Variants in NPAS2 observed in about 807,000 individuals in gnomAD.
NPAS2 encodes the protein neuronal PAS domain-containing protein 2.
NPAS2 carries 23 observed loss-of-function variants against 107.5 expected under a neutral mutation model. That is an observed-to-expected ratio of 0.21 (90% confidence interval 0.15 to 0.30). The LOEUF is 0.30. NPAS2 is among the 10% of genes least tolerant of loss of function. The probability of loss-of-function intolerance (pLI) is 1.00; values close to 1 mark genes in which losing one functional copy is unlikely to be tolerated. For missense variants in NPAS2, 756 were observed against 1,043.3 expected (o/e 0.72, Z 3.79); for synonymous variants, 403 against 417.5 (o/e 0.97, Z 0.42).
intron 1 of NPAS2, among the ~76,000 whole-genome samples, chr2:100,837,315 T>G (rs1243668959): frequency 1.3e-5 from 2 of 152,176 alleles, no homozygotes; most frequent in African/African-American, 4.8e-5. Context: ...TTTTATTTAT[T>G]TTGTTTTTTT....
chr2:100,958,202 G>A (rs986025779), intron 7 of NPAS2, among the ~76,000 whole-genome samples: 7 of 152,040 alleles, frequency 4.6e-5, no homozygotes, highest in Non-Finnish European at 7.4e-5. Context: ...TTACCTACTC[G>A]CCTCTAACCG....
chr2:100,928,516 G>C (rs1233304948), intron 3 of NPAS2, among the ~76,000 whole-genome samples: 1 of 152,096 alleles, frequency 6.6e-6, no homozygotes, highest in Non-Finnish European at 1.5e-5. Flanking sequence ...GGATAAGTCA[G>C]CAGAAATGCA....
rs554125547 is a variant in NPAS2, at chr2:100,957,736, C to G, written c.599-6322C>G. Among the ~76,000 whole-genome samples, 277 of 152,064 alleles carry G rather than the reference C, an allele frequency of 1.8e-3. 3 individuals are homozygous for G. The highest frequency in any genetic ancestry group is 6.5e-3 in the African/African-American group (270 of 41,444). ...TGTCAGGAGATCGAGACCATCCTGG[C>G]TAACACAGTGAAACCCCGTCTCTGC... On this transcript the variant is annotated intron_variant, in intron 7 of 20. Coordinates refer to ENST00000335681, the MANE Select transcript of NPAS2 (RefSeq NM_002518.4).
chr2:100,930,727 C>T (rs186563027), intron 3 of NPAS2, among the ~76,000 whole-genome samples: 20 of 152,094 alleles, frequency 1.3e-4, no homozygotes, highest in African/African-American at 4.6e-4. Context: ...ATTATGCTAG[C>T]GTTAACAAAA....
rs1558918726 is a variant in NPAS2, at chr2:100,965,484, C to CT, written c.801-175dup. Among the ~76,000 whole-genome samples the CT allele has an allele frequency of 2.0e-5, 3 of 151,656 alleles. No individual in the cohort carries two copies. The highest frequency in any genetic ancestry group is 7.3e-5 in the African/African-American group (3 of 41,252). On this transcript the variant is annotated intron_variant, in intron 9 of 20. Transcript: ENST00000335681. The surrounding 1 kb of genome is among the most constrained non-coding windows in gnomAD (Gnocchi z 4.3). ...AGTATCTATATGCCAAAAAAAAAAGCTGAGCCCTTTGGAAAACACAGCCTC... is the reference window on the plus strand; with the variant it reads ...AGTATCTATATGCCAAAAAAAAAAGCTTGAGCCCTTTGGAAAACACAGCCTC...
chr2:100,925,103 T>C lies in NPAS2; in HGVS notation c.33-43T>C, dbSNP rs768955119. ...CTTTTGTTTCATCACAAAGCCTTTG[T>C]GACGTGGAATGTTCCAGTAACCTGC... On this transcript the variant is annotated intron_variant, in intron 2 of 20. Transcript: ENST00000335681. 8.3e-6 allele frequency: 13 copies of C among 1,573,180 alleles called. No individual in the cohort carries two copies. In the South Asian group the frequency reaches 1.4e-4, roughly 17 times the overall value.
chr2:100,841,045 G>A (rs1286125951), intron 1 of NPAS2, among the ~76,000 whole-genome samples: 1 of 152,082 alleles, frequency 6.6e-6, no homozygotes, highest in Non-Finnish European at 1.5e-5. Context: ...ATCTGCTTCA[G>A]GATGTTGTTC....
intron 16 of NPAS2, chr2:100,984,313 T>A (rs910266725): frequency 6.6e-6 from 1 of 152,200 alleles, no homozygotes; most frequent in African/African-American, 2.4e-5. Flanking sequence ...TTGTTTTTTT[T>A]AAACTAAACT....
Position 100,828,390 on chromosome 2 carries a change from T to C in NPAS2, c.-23+7976T>C, listed in dbSNP as rs569868524. 7.2e-5 allele frequency among the ~76,000 whole-genome samples: 11 copies of C among 152,322 alleles called. No individual in the cohort carries two copies. In the South Asian group the frequency reaches 2.3e-3, roughly 32 times the overall value. On this transcript the variant is annotated intron_variant, in intron 1 of 20. Coordinates refer to ENST00000335681, the MANE Select transcript of NPAS2 (RefSeq NM_002518.4). ...ACTCTGTTGATAGGTTCTTTTTCTG[T>C]GCAGAAGCTCTTTAGTTTAATTAGG...
intron 1 of NPAS2, among the ~76,000 whole-genome samples, chr2:100,887,652 C>T (rs965486522): frequency 6.6e-6 from 1 of 152,020 alleles, no homozygotes; most frequent in African/African-American, 2.4e-5. Context: ...TCAATTTACA[C>T]AGTTGTTTTT....
At chr2:100,836,596 C>T (rs1391121453) in intron 1 of NPAS2, among the ~76,000 whole-genome samples, 3 of 152,176 alleles carry the variant, frequency 2.0e-5, no homozygotes, top group African/African-American at 4.8e-5. Flanking sequence ...CAGGAGTTAA[C>T]GATTCAAGGG....
intron 2 of NPAS2, among the ~76,000 whole-genome samples, chr2:100,918,616 G>C (rs1683032741): frequency 6.6e-6 from 1 of 152,158 alleles, no homozygotes; most frequent in African/African-American, 2.4e-5. Flanking sequence ...TCCTCAAAGA[G>C]GGTCTACAGA....
chr2:100,912,122 C>G (rs1158891191), intron 2 of NPAS2, among the ~76,000 whole-genome samples: 1 of 152,130 alleles, frequency 6.6e-6, no homozygotes, highest in African/African-American at 2.4e-5. Context: ...AATGTGTGTT[C>G]CTTCTACAAC....
In NPAS2 at chr2:100,995,720, T is replaced by TAACC. The variant is rs1364449851; in HGVS notation, c.*140_*143dup. 1 of 1,549,714 alleles carries TAACC rather than the reference T, an allele frequency of 6.5e-7. No homozygotes were observed. The highest frequency in any genetic ancestry group is 2.4e-5 in the East Asian group (1 of 40,920). On this transcript the variant is annotated 3_prime_UTR_variant, in exon 21 of 21. Coordinates refer to ENST00000335681, the MANE Select transcript of NPAS2 (RefSeq NM_002518.4). ...CATACGTTTCAGAACTCCTGGATGG[T>TAACC]AACCATCTCTGGAGTGCAGCGCTTG... is the stretch of plus-strand genomic sequence containing the variant.
At chr2:100,868,993 G>A (rs1051478412) in intron 1 of NPAS2, among the ~76,000 whole-genome samples, 1 of 152,062 alleles carries the variant, frequency 6.6e-6, no homozygotes, top group Non-Finnish European at 1.5e-5. Flanking sequence ...GTGCAGTGGT[G>A]TAATCTCAGC....
intron 13 of NPAS2, 87 bp from the exon 14 acceptor site, chr2:100,975,371 G>A: frequency 8.4e-7 from 1 of 1,187,342 alleles, no homozygotes; most frequent in Non-Finnish European, 1.2e-6. Flanking sequence ...CTCTTGTACT[G>A]TGCACACCAC....
At chr2:100,945,472 T>C (rs1414891969) in intron 5 of NPAS2, among the ~76,000 whole-genome samples, 2 of 152,246 alleles carry the variant, frequency 1.3e-5, no homozygotes, top group African/African-American at 4.8e-5. Flanking sequence ...ATTGCCAGCC[T>C]GACTTCCAGT....
chr2:100,961,786 A>G (rs1268766450), intron 7 of NPAS2, among the ~76,000 whole-genome samples: 1 of 152,200 alleles, frequency 6.6e-6, no homozygotes, highest in Non-Finnish European at 1.5e-5. Context: ...CTGACAGAGC[A>G]CAGGAATGTA....
Position 100,911,765 on chromosome 2 carries a change from G to C in NPAS2, c.32+6979G>C, listed in dbSNP as rs556545314. ...TCCTGTCTCAGCCTTCTGAGTAGCT[G>C]GGATTACATGCATGTACCACCACGC... On this transcript the variant is annotated intron_variant, in intron 2 of 20. Transcript: ENST00000335681. Among the ~76,000 whole-genome samples, 29 of 152,180 alleles carry C rather than the reference G, an allele frequency of 1.9e-4. No individual in the cohort carries two copies. In the South Asian group the frequency reaches 5.4e-3, roughly 28 times the overall value.
Sources: gnomAD v4.1 joint callset for allele counts (sites outside exome capture counted in the v4.1 genomes callset) on GRCh38, gnomAD v4.1.1 for gene constraint, Gnocchi (gnomAD v3.1) non-coding constraint, MANE v1.5 for transcripts, NCBI Gene and HGNC (gene_info 2026-07-23, HGNC 2026-07-21) for gene names.